The following FAM210A variants were observed in gnomAD, a reference collection of about 807,000 sequenced individuals.
FAM210A encodes the protein mitochondrial inner membrane scaffold 1.
FAM210A carries 13 observed loss-of-function variants against 25.3 expected under a neutral mutation model. The observed-to-expected ratio is 0.51, with a 90% CI of 0.33 to 0.82. FAM210A has a LOEUF of 0.82. Among genes scored for constraint, FAM210A ranks in the 40% least tolerant of loss-of-function variants. The pLI, the probability that FAM210A is intolerant of heterozygous loss-of-function variation, is 0.02. For missense variants in FAM210A, 319 were observed against 323.2 expected (o/e 0.99, Z 0.10); for synonymous variants, 125 against 118.7 (o/e 1.05, Z -0.35).
At chr18:13,671,750 C>A in intron 3 of FAM210A, 112 bp downstream of exon 3, 1 of 577,094 alleles carries the variant, frequency 1.7e-6, no homozygotes, top group South Asian at 2.4e-5. Flanking sequence ...AGATGAAATA[C>A]AGCGTTTCAA....
chr18:13,669,474 G>A (rs1943400272), intron 3 of FAM210A, among the ~76,000 whole-genome samples: 1 of 152,096 alleles, frequency 6.6e-6, no homozygotes. Flanking sequence ...TCAGAACTTT[G>A]TCTTTCGGAT....
chr18:13,697,312 A>T (rs2043702664), intron 1 of FAM210A, among the ~76,000 whole-genome samples: 1 of 152,176 alleles, frequency 6.6e-6, no homozygotes, highest in African/African-American at 2.4e-5. Context: ...AGATGGCAAA[A>T]AACACAGAAA....
intron 1 of FAM210A, chr18:13,715,103 G>T (rs1014291128): frequency 6.6e-6 from 1 of 151,986 alleles, no homozygotes; most frequent in Non-Finnish European, 1.5e-5. Context: ...TTCAGAGACA[G>T]GGTCTTGCTA....
chr18:13,694,445 C>T (rs988764033), intron 1 of FAM210A, among the ~76,000 whole-genome samples: 9 of 152,228 alleles, frequency 5.9e-5, no homozygotes, highest in African/African-American at 1.9e-4. Context: ...CTAGAGGCAT[C>T]ATGCTACCTG....
rs541439090 is a variant in FAM210A, at chr18:13,683,281, C to T, written c.-28-1176G>A. ...AAGTTATCAAGTTATAAATCACTTA[C>T]GTTATTGAATGGCGAGAAGAATTGC... On this transcript the variant is annotated intron_variant, in intron 1 of 3. Coordinates refer to ENST00000651643, the MANE Select transcript of FAM210A (RefSeq NM_152352.4). 5.3e-5 allele frequency among the ~76,000 whole-genome samples: 8 copies of T among 152,270 alleles called. No homozygotes were observed. The South Asian group carries it at 1.2e-3, about 24-fold the overall frequency.
At chr18:13,699,945 CTT>C (rs1372318023) in intron 1 of FAM210A, among the ~76,000 whole-genome samples, 1 of 152,138 alleles carries the variant, frequency 6.6e-6, no homozygotes, top group East Asian at 1.9e-4. Flanking sequence ...TAAAAAAACT[CTT>C]TTTCTCTCTC....
intron 1 of FAM210A, among the ~76,000 whole-genome samples, chr18:13,713,284 A>G (rs1228847110): frequency 6.6e-6 from 1 of 152,236 alleles, no homozygotes; most frequent in Non-Finnish European, 1.5e-5. Flanking sequence ...ACATAACTTA[A>G]CAACATAACT....
At chr18:13,669,462 C>A (rs1206137722) in intron 3 of FAM210A, among the ~76,000 whole-genome samples, 1 of 152,188 alleles carries the variant, frequency 6.6e-6, no homozygotes, top group Non-Finnish European at 1.5e-5. Flanking sequence ...GATCCTGCAG[C>A]CTCAGAACTT....
At chr18:13,693,317 AAAGAGGAGCTGGTACCATTCC>A (rs2043664677) in intron 1 of FAM210A, among the ~76,000 whole-genome samples, 2 of 152,230 alleles carry the variant, frequency 1.3e-5, no homozygotes, top group African/African-American at 4.8e-5. Flanking sequence ...CCAGAGGTAC[AAAGAGGAGCTGGTACCATTCC>A]TTCTGAAACT....
At chr18:13,667,364 A>G (rs2043408765) in intron 3 of FAM210A, among the ~76,000 whole-genome samples, 2 of 152,236 alleles carry the variant, frequency 1.3e-5, no homozygotes, top group African/African-American at 4.8e-5. Flanking sequence ...CCAATACTAA[A>G]TAGCAGATGG....
chr18:13,681,626 G>A lies in FAM210A; in HGVS notation c.452C>T (p.Thr151Ile). The change falls in exon 2 of 4, where the codon ACA becomes ATA. Residue 151 changes from threonine (T) to isoleucine (I), a missense_variant. Thr to Ile is a moderately conservative substitution (Grantham distance 89). Transcript: ENST00000651643. ...TTACTTCAAGGCTGCATAATAAAAT[G>A]TTCCAAACCAAACACCAGAAGTTAT... ...HLITSGVWFG[T>I]FYYAALKGVN... 1 of 1,607,008 alleles carries A rather than the reference G, an allele frequency of 6.2e-7. No individual in the cohort carries two copies. The highest frequency in any genetic ancestry group is 8.5e-7 in the Non-Finnish European group (1 of 1,177,102).
At chr18:13,679,927 C>G (rs1460018552) in intron 2 of FAM210A, among the ~76,000 whole-genome samples, 2 of 152,066 alleles carry the variant, frequency 1.3e-5, no homozygotes, top group Admixed American at 1.3e-4. Flanking sequence ...GAACTTTTAC[C>G]AGAGAATAAG....
chr18:13,679,827 C>T (rs978204569), intron 2 of FAM210A, among the ~76,000 whole-genome samples: 40 of 152,096 alleles, frequency 2.6e-4, no homozygotes, highest in African/African-American at 9.6e-4. Context: ...AGAGCATCAC[C>T]CACAGCTGCT....
intron 1 of FAM210A, among the ~76,000 whole-genome samples, chr18:13,721,696 C>G (rs932625978): frequency 6.6e-6 from 1 of 152,086 alleles, no homozygotes; most frequent in Admixed American, 6.5e-5. Flanking sequence ...GGCAAAGTAA[C>G]CATAGGATGA....
chr18:13,673,696 T>C (rs1450353651), intron 2 of FAM210A, among the ~76,000 whole-genome samples: 1 of 151,100 alleles, frequency 6.6e-6, no homozygotes, highest in African/African-American at 2.4e-5. Context: ...CCGTGACTTA[T>C]TTCCAGTTTC....
chr18:13,677,069 A>ATT (rs59935007), intron 2 of FAM210A, among the ~76,000 whole-genome samples: 16 of 137,200 alleles, frequency 1.2e-4, no homozygotes, highest in Admixed American at 3.6e-4. Context: ...CTGTCCCTCT[A>ATT]TTTTTTTTTT....
intron 1 of FAM210A, among the ~76,000 whole-genome samples, chr18:13,684,615 C>T (rs886785415): frequency 7.2e-5 from 11 of 152,134 alleles, no homozygotes; most frequent in Admixed American, 2.0e-4. Flanking sequence ...CTCTTAGAGA[C>T]GTCAACACTC....
chr18:13,702,845 T>G (rs190085683), intron 1 of FAM210A, among the ~76,000 whole-genome samples: 115 of 152,292 alleles, frequency 7.6e-4, no homozygotes, highest in Non-Finnish European at 1.4e-3. Flanking sequence ...GAATTCTCCT[T>G]TCTAAGAGCA....
rs28451810 is a variant in FAM210A, at chr18:13,673,832, G to A, written c.474-1859C>T. On this transcript the variant is annotated intron_variant, in intron 2 of 3. Coordinates refer to ENST00000651643, the MANE Select transcript of FAM210A (RefSeq NM_152352.4). ...CCTGAGCCCTGGCTTCTTTATTTCCGGTTTCCTGATTATTAACATTCCTGA... is the reference window on the plus strand; with the variant it reads ...CCTGAGCCCTGGCTTCTTTATTTCCAGTTTCCTGATTATTAACATTCCTGA... 1.0e-4 allele frequency among the ~76,000 whole-genome samples: 9 copies of A among 87,682 alleles called. No individual in the cohort carries two copies. The East Asian group carries it at 1.8e-3, about 18-fold the overall frequency. The allele number at this position is 87,682 out of a possible 152,430, so 57.5% of individuals were successfully genotyped here.
Sources: allele counts gnomAD v4.1 joint callset (sites outside exome capture counted in the v4.1 genomes callset), GRCh38; gene constraint gnomAD v4.1.1; transcripts MANE v1.5; gene names NCBI Gene and HGNC (gene_info 2026-07-23, HGNC 2026-07-21).